Variants in CNR2 observed in about 807,000 individuals in gnomAD.
The protein encoded by CNR2 is cannabinoid receptor 2, also known as cannabinoid receptor 2 (macrophage).
For missense variants in CNR2, 379 were observed against 439.9 expected, an observed-to-expected ratio of 0.86 and a Z score of 1.24; for synonymous variants, 172 against 182.2, an observed-to-expected ratio of 0.94 and a Z score of 0.45.
chr1:23,902,796 CGGGCGCGG>C, intron 1 of CNR2: 2 of 1,427,206 alleles, frequency 1.4e-6, no homozygotes, highest in East Asian at 2.7e-5. Flanking sequence ...TGCGCGGGCG[CGGGCGCGG>C]GGGCGCGGTG....
Position 23,901,344 on chromosome 1 carries a change from A to G in CNR2, c.-46+11902T>C, listed in dbSNP as rs903261197. The G allele has an allele frequency of 9.7e-6, 8 of 828,710 alleles. No individual in the cohort carries two copies. The African/African-American group carries it at 1.0e-4, about 11-fold the overall frequency. The allele number at this position is 828,710 out of a possible 1,614,324, so 51.3% of individuals were successfully genotyped here. A position where few individuals can be genotyped will look rare whatever the true frequency, so the allele number is the denominator to read the frequency against. ...AAAAGGTGCCTACTTCACAGAATCA[A>G]GCTTCAGTTGACTACATGCCAAAGA... On this transcript the variant is annotated intron_variant, in intron 1 of 1. Transcript: ENST00000374472.
rs1640415216 is a variant in CNR2 at position 23,902,356 on chromosome 1, G to A, written c.-46+10890C>T. 9.5e-6 allele frequency: 15 copies of A among 1,580,652 alleles called. No individual in the cohort carries two copies. The South Asian group carries it at 1.5e-4, about 16-fold the overall frequency. ...TCGGGCTCCTCAAACAGCCGGCTCT[G>A]GGACAGCAGGACGCAGGCGTTCTTG... On this transcript the variant is annotated intron_variant, in intron 1 of 1. Coordinates refer to ENST00000374472, the MANE Select transcript of CNR2 (RefSeq NM_001841.3).
chr1:23,902,069 G>A, intron 1 of CNR2: 1 of 1,541,986 alleles, frequency 6.5e-7, no homozygotes, highest in Non-Finnish European at 9.0e-7. Flanking sequence ...AACTCCTCTA[G>A]GGTCATGGTT....
intron 1 of CNR2, chr1:23,901,413 T>C: frequency 2.1e-6 from 3 of 1,413,112 alleles, no homozygotes; most frequent in Non-Finnish European, 1.9e-6. Flanking sequence ...AAGAAGCAGT[T>C]AGTGTCCTGA....
intron 1 of CNR2, among the ~76,000 whole-genome samples, chr1:23,884,082 T>TGTTTTC (rs1294023653): frequency 6.0e-5 from 9 of 150,940 alleles, no homozygotes; most frequent in Non-Finnish European, 1.2e-4. Flanking sequence ...TGTCTTTTTT[T>TGTTTTC]GTTTTTGTTT....
Position 23,888,979 on chromosome 1 carries a change from T to G in CNR2, c.-45-13317A>C, listed in dbSNP as rs370020999. Among the ~76,000 whole-genome samples, 210 of 151,520 alleles carry G rather than the reference T, an allele frequency of 1.4e-3. 2 individuals are homozygous for G. Among genetic ancestry groups the G allele is most frequent in the African/African-American group, 3.9e-3 (159 of 41,276 alleles). ...GCTAGATTCAGTTTAAAAAAATAAA[T>G]AAATAAATAAAGAAGAAGAAAAAGA... On this transcript the variant is annotated intron_variant, in intron 1 of 1. Transcript: ENST00000374472.
At chr1:23,884,060 T>C (rs112911447) in intron 1 of CNR2, among the ~76,000 whole-genome samples, 2 of 141,244 alleles carry the variant, frequency 1.4e-5, no homozygotes, top group African/African-American at 2.6e-5. Context: ...TGCCTCTCTA[T>C]AGACATCTTT....
Position 23,887,308 on chromosome 1 carries a change from A to G in CNR2, c.-45-11646T>C, listed in dbSNP as rs115933101. ...CTAAGAGGATCCCTGCAACCCTGCTAGGAACCCCCTGCCCCATCACCTGCC... is the reference window on the plus strand; with the variant it reads ...CTAAGAGGATCCCTGCAACCCTGCTGGGAACCCCCTGCCCCATCACCTGCC... On this transcript the variant is annotated intron_variant, in intron 1 of 1. Coordinates refer to ENST00000374472, the MANE Select transcript of CNR2 (RefSeq NM_001841.3). Among the ~76,000 whole-genome samples, 1,338 of 152,232 alleles carry G rather than the reference A, an allele frequency of 8.8e-3. 14 individuals carry two copies. Among genetic ancestry groups the G allele is most frequent in the Middle Eastern group, 0.031 (9 of 294 alleles).
At chr1:23,901,379 T>C in intron 1 of CNR2, 1 of 1,122,420 alleles carries the variant, frequency 8.9e-7, no homozygotes, top group Non-Finnish European at 1.3e-6. Context: ...AGAGACAAGG[T>C]TAAGTGTGGC....
intron 1 of CNR2, among the ~76,000 whole-genome samples, chr1:23,895,172 G>A (rs1300756370): frequency 3.1e-5 from 2 of 64,200 alleles, no homozygotes; most frequent in Non-Finnish European, 6.5e-5. Flanking sequence ...AGTGATCCAA[G>A]GTCACGCCAC....
At chr1:23,890,703 C>T (rs1180238686) in intron 1 of CNR2, among the ~76,000 whole-genome samples, 1 of 150,566 alleles carries the variant, frequency 6.6e-6, no homozygotes, top group Non-Finnish European at 1.5e-5. Flanking sequence ...CGAGATCGCG[C>T]CACTGCACTC....
At position 23,874,248 on chromosome 1, in the gene CNR2, A is replaced by G. The variant is rs1639820863; in HGVS notation, c.*287T>C. 3.3e-6 allele frequency: 1 copy of G among 307,202 alleles called. No homozygotes were observed. Among genetic ancestry groups the G allele is most frequent in the Non-Finnish European group, 6.1e-6 (1 of 163,120 alleles). The allele number at this position is 307,202 out of a possible 1,614,324, so 19.0% of individuals were successfully genotyped here. On this transcript the variant is annotated 3_prime_UTR_variant, in exon 2 of 2. Transcript: ENST00000374472. ...CTTTGGCTCCTGTGGTCTCTGGAGGATGCAGGCATGAAGCCTGACCTGACT... is the reference window on the plus strand; with the variant it reads ...CTTTGGCTCCTGTGGTCTCTGGAGGGTGCAGGCATGAAGCCTGACCTGACT...
At chr1:23,905,401 A>C (rs1047616561) in intron 1 of CNR2, among the ~76,000 whole-genome samples, 3 of 151,408 alleles carry the variant, frequency 2.0e-5, no homozygotes, top group Non-Finnish European at 2.9e-5. Context: ...GCTTGTCTCA[A>C]ACTCCTGACC....
chr1:23,898,058 A>G (rs1009941707), intron 1 of CNR2, among the ~76,000 whole-genome samples: 1 of 151,526 alleles, frequency 6.6e-6, no homozygotes, highest in Non-Finnish European at 1.5e-5. Context: ...ATGGAGTCTC[A>G]CTCTGTCACC....
At chr1:23,890,938 G>C (rs1406531209) in intron 1 of CNR2, among the ~76,000 whole-genome samples, 1 of 150,064 alleles carries the variant, frequency 6.7e-6, no homozygotes, top group African/African-American at 2.4e-5. Flanking sequence ...GAGTGCAGTG[G>C]TGTGATCTCA....
intron 1 of CNR2, among the ~76,000 whole-genome samples, chr1:23,900,380 A>C (rs536835022): frequency 6.6e-6 from 1 of 152,110 alleles, no homozygotes; most frequent in East Asian, 1.9e-4. Context: ...TCTCTATTGC[A>C]ATTCTCCTGT....
Position 23,884,441 on chromosome 1 carries a change from GAT to G in CNR2, c.-45-8781_-45-8780del, listed in dbSNP as rs1179029184. Among the ~76,000 whole-genome samples, 39 of 86,818 alleles carry G rather than the reference GAT, an allele frequency of 4.5e-4. No homozygotes were observed. In the Admixed American group the frequency reaches 4.8e-3, roughly 11 times the overall value. 57.0% of individuals were successfully genotyped at this position (86,818 alleles called of 152,430 possible). A position where few individuals can be genotyped will look rare whatever the true frequency, so the allele number is the denominator to read the frequency against. ...ATGCCTCAGCCTCCCAAGTAGCTGG[GAT>G]TACAGGCACACACCACCACACCTAG... On this transcript the variant is annotated intron_variant, in intron 1 of 1. Transcript: ENST00000374472.
intron 1 of CNR2, among the ~76,000 whole-genome samples, chr1:23,904,851 C>G (rs1291733793): frequency 3.3e-5 from 5 of 152,176 alleles, no homozygotes; most frequent in Non-Finnish European, 7.3e-5. Flanking sequence ...AGGAGTAAGA[C>G]AGGGTTAACC....
intron 1 of CNR2, among the ~76,000 whole-genome samples, chr1:23,899,243 CAT>C (rs1557532065): frequency 6.6e-6 from 1 of 152,090 alleles, no homozygotes; most frequent in Non-Finnish European, 1.5e-5. Flanking sequence ...AATTCAGACT[CAT>C]ATATCTGGTG....
Sources: gnomAD v4.1 joint callset for allele counts (sites outside exome capture counted in the v4.1 genomes callset) on GRCh38, gnomAD v4.1.1 for gene constraint, MANE v1.5 for transcripts, NCBI Gene and HGNC (gene_info 2026-07-23, HGNC 2026-07-21) for gene names.